EPHA3: variants seen among roughly 807,000 people sequenced by gnomAD.
The protein encoded by EPHA3 is ephrin type-A receptor 3.
EPHA3 carries 42 observed loss-of-function variants against 107.1 expected under a neutral mutation model. The ratio of observed to expected loss-of-function variants is 0.39; its 90% CI spans 0.31 to 0.51. The LOEUF (loss-of-function observed/expected upper bound fraction) is 0.51, where lower values mean the gene tolerates loss of function less well. Among genes scored for constraint, EPHA3 ranks in the 20% least tolerant of loss-of-function variants. EPHA3 has a pLI of 0.78. For missense variants in EPHA3, 1,183 were observed against 1,211.2 expected (o/e 0.98, Z 0.35); for synonymous variants, 461 against 424.8 (o/e 1.09, Z -1.05).
chr3:89,394,313 A>C (rs528559037), intron 5 of EPHA3, among the ~76,000 whole-genome samples: 1 of 152,314 alleles, frequency 6.6e-6, no homozygotes, highest in African/African-American at 2.4e-5. Flanking sequence ...GGATTGCTTT[A>C]GCCTGGGAGG....
chr3:89,219,688 G>GTGTTTTTT lies in EPHA3; in HGVS notation c.814+9169_814+9170insGTTTTTTT. ...TTACCTCCAAGAGGCATTTGGCAAT[G>GTGTTTTTT]TTTTTTTTTTTTTTGTTTTTTGTTT... On this transcript the variant is annotated intron_variant, in intron 3 of 16. Coordinates refer to ENST00000336596, the MANE Select transcript of EPHA3 (RefSeq NM_005233.6). 3.8e-3 allele frequency among the ~76,000 whole-genome samples: 132 copies of GTGTTTTTT among 34,436 alleles called. 40 individuals are homozygous for GTGTTTTTT. The highest frequency in any genetic ancestry group is 5.3e-3 in the Non-Finnish European group (102 of 19,120). The allele number at this position is 34,436 out of a possible 152,430, so 22.6% of individuals were successfully genotyped here.
At chr3:89,415,602 G>A (rs1387519643) in intron 10 of EPHA3, among the ~76,000 whole-genome samples, 1 of 150,168 alleles carries the variant, frequency 6.7e-6, no homozygotes, top group Admixed American at 6.7e-5. Flanking sequence ...TACTATAAAT[G>A]ATAAAATTAA....
In EPHA3 at chr3:89,340,833, A is replaced by T. The variant is rs1333317210; in HGVS notation, c.815-83A>T. On this transcript the variant is annotated intron_variant, in intron 3 of 16. Transcript: ENST00000336596. ...CTTGATTTTTATTTATAATAAATTC[A>T]TATTCGAACTTACTTAAATCTGTTT... is the stretch of plus-strand genomic sequence containing the variant. 3.8e-6 allele frequency: 5 copies of T among 1,305,992 alleles called. No homozygotes were observed. In the Admixed American group the frequency reaches 1.4e-4, roughly 37 times the overall value. 80.9% of individuals were successfully genotyped at this position (1,305,992 alleles called of 1,614,324 possible).
chr3:89,447,848 C>A (rs1274932354), intron 13 of EPHA3, among the ~76,000 whole-genome samples: 2 of 152,072 alleles, frequency 1.3e-5, no homozygotes, highest in Admixed American at 6.6e-5. Context: ...GAAACTTGTC[C>A]CCTAAATTGC....
At chr3:89,240,348 C>G (rs1463897947) in intron 3 of EPHA3, among the ~76,000 whole-genome samples, 1 of 151,974 alleles carries the variant, frequency 6.6e-6, no homozygotes, top group East Asian at 1.9e-4. Context: ...GCAATTAAGA[C>G]TAGTAGAAAA....
rs1302973966 is a variant in EPHA3 at position 89,480,120 on chromosome 3, T to C, written c.*618T>C. 8.6e-6 allele frequency: 2 copies of C among 232,832 alleles called. No individual in the cohort carries two copies. The highest frequency in any genetic ancestry group is 1.7e-5 in the Non-Finnish European group (2 of 117,652). The allele number at this position is 232,832 out of a possible 1,614,324, so 14.4% of individuals were successfully genotyped here. On this transcript the variant is annotated 3_prime_UTR_variant, in exon 17 of 17. Transcript: ENST00000336596. Reference sequence around the variant, plus strand: ...ATATCATGTAAAGAAATGTCTTAATTTTTGAAAAAAGTACATATTTATTTT... The same window carrying C: ...ATATCATGTAAAGAAATGTCTTAATCTTTGAAAAAAGTACATATTTATTTT...
In EPHA3 at chr3:89,127,113, T is replaced by C. The variant is rs1704112031; in HGVS notation, c.89-96T>C. The C allele has an allele frequency of 4.4e-6, 4 of 914,312 alleles. No individual in the cohort carries two copies. In the Admixed American group the frequency reaches 8.2e-5, roughly 19 times the overall value. The allele number at this position is 914,312 out of a possible 1,614,324, so 56.6% of individuals were successfully genotyped here. On this transcript the variant is annotated intron_variant, in intron 1 of 16. Transcript: ENST00000336596. The stretch of plus-strand genomic sequence containing the variant: ...AATGAGAAGGAAGAGTTATGTTTTT[T>C]GAGCAACATCAACAACAGACAATGT...
At chr3:89,388,215 C>G (rs1486927383) in intron 5 of EPHA3, among the ~76,000 whole-genome samples, 2 of 151,992 alleles carry the variant, frequency 1.3e-5, no homozygotes, top group African/African-American at 4.8e-5. Context: ...TCAGAGGAAC[C>G]AGCCAGAAAA....
At chr3:89,117,199 G>C (rs1257726507) in intron 1 of EPHA3, among the ~76,000 whole-genome samples, 2 of 151,980 alleles carry the variant, frequency 1.3e-5, no homozygotes, top group African/African-American at 4.8e-5. Flanking sequence ...TCAATTAATA[G>C]TTAAGAAAAA....
chr3:89,151,537 C>A (rs1054242992), intron 2 of EPHA3, among the ~76,000 whole-genome samples: 2 of 152,042 alleles, frequency 1.3e-5, no homozygotes, highest in African/African-American at 4.8e-5. Flanking sequence ...TAGTGAGGAG[C>A]AGGAAGAGGC....
chr3:89,195,595 T>G (rs1705820168), intron 2 of EPHA3, among the ~76,000 whole-genome samples: 3 of 152,194 alleles, frequency 2.0e-5, no homozygotes, highest in Non-Finnish European at 4.4e-5. Flanking sequence ...ATCAATCGTT[T>G]GTCAAGTCCT....
At chr3:89,391,523 G>A (rs1434959442) in intron 5 of EPHA3, among the ~76,000 whole-genome samples, 1 of 149,112 alleles carries the variant, frequency 6.7e-6, no homozygotes, top group Non-Finnish European at 1.5e-5. Context: ...TGCCTCCCAG[G>A]TTCACGCCAT....
chr3:89,212,077 G>A (rs1704115242), intron 3 of EPHA3, among the ~76,000 whole-genome samples: 1 of 151,772 alleles, frequency 6.6e-6, no homozygotes, highest in African/African-American at 2.4e-5. Context: ...AACTATGCAA[G>A]CTTAAACTGA....
intron 3 of EPHA3, among the ~76,000 whole-genome samples, chr3:89,223,589 C>A (rs1241524399): frequency 1.3e-5 from 2 of 152,030 alleles, no homozygotes; most frequent in Non-Finnish European, 2.9e-5. Flanking sequence ...TGAGATTTAC[C>A]CAGCAGGGTT....
intron 2 of EPHA3, among the ~76,000 whole-genome samples, chr3:89,145,170 G>A (rs1451738101): frequency 6.6e-6 from 1 of 151,526 alleles, no homozygotes; most frequent in Non-Finnish European, 1.5e-5. Context: ...TTGCCTACCT[G>A]AGTCATTGTT....
chr3:89,338,792 TACA>T (rs1169198959), intron 3 of EPHA3, among the ~76,000 whole-genome samples: 2 of 152,264 alleles, frequency 1.3e-5, no homozygotes, highest in South Asian at 2.1e-4. Flanking sequence ...TTATGGTTTT[TACA>T]ACATTTGTTA....
chr3:89,237,275 G>A (rs1704787539), intron 3 of EPHA3, among the ~76,000 whole-genome samples: 1 of 152,196 alleles, frequency 6.6e-6, no homozygotes, highest in Non-Finnish European at 1.5e-5. Context: ...AGGAGGCTGA[G>A]GCATGAGAAT....
At chr3:89,301,506 T>G (rs1314176512) in intron 3 of EPHA3, among the ~76,000 whole-genome samples, 2 of 152,072 alleles carry the variant, frequency 1.3e-5, no homozygotes, top group Non-Finnish European at 2.9e-5. Flanking sequence ...TCATATTAAT[T>G]GAACTGAATC....
chr3:89,429,310 G>A, intron 12 of EPHA3, 143 bp downstream of exon 12: 1 of 525,324 alleles, frequency 1.9e-6, no homozygotes, highest in Non-Finnish European at 3.2e-6. Flanking sequence ...ACAGAGAAGG[G>A]CTGTAAAATT....
Sources: gnomAD v4.1 joint callset for allele counts (sites outside exome capture counted in the v4.1 genomes callset) on GRCh38, gnomAD v4.1.1 for gene constraint, MANE v1.5 for transcripts, NCBI Gene and HGNC (gene_info 2026-07-23, HGNC 2026-07-21) for gene names.